The following HKDC1 variants were observed in gnomAD, a reference collection of about 807,000 sequenced individuals.
HKDC1 encodes hexokinase domain containing 1.
Under a neutral mutation model 96.6 loss-of-function variants are expected in HKDC1, and 66 were observed. The observed-to-expected ratio is 0.68, with a 90% CI of 0.56 to 0.84. The LOEUF is 0.84. HKDC1 is among the 40% of genes least tolerant of loss of function. The pLI is 0.00. For missense variants in HKDC1, 1,211 were observed against 1,208.1 expected (o/e 1.00, Z -0.04); for synonymous variants, 466 against 473.1 (o/e 0.98, Z 0.20).
intron 12 of HKDC1, among the ~76,000 whole-genome samples, chr10:69,252,591 G>A (rs904984192): frequency 6.7e-6 from 1 of 150,076 alleles, no homozygotes; most frequent in Admixed American, 6.7e-5. Flanking sequence ...CTTGCAGTGA[G>A]CTGAGATCGT....
chr10:69,263,405 T>C (rs1843840440), intron 16 of HKDC1, among the ~76,000 whole-genome samples: 1 of 152,022 alleles, frequency 6.6e-6, no homozygotes, highest in Non-Finnish European at 1.5e-5. Context: ...GGCCAGGTTT[T>C]GTTTTTTAAA....
At chr10:69,227,174 G>T in intron 1 of HKDC1, 33 bp from the exon 2 acceptor site, 1 of 1,612,632 alleles carries the variant, frequency 6.2e-7, no homozygotes. Context: ...AGGGCCCCCA[G>T]CAGCACCCCT....
intron 9 of HKDC1, 63 bp from the exon 10 acceptor site, chr10:69,248,360 CT>C: frequency 1.3e-6 from 2 of 1,493,606 alleles, no homozygotes; most frequent in Non-Finnish European, 1.8e-6. Context: ...ACTGCTGCCC[CT>C]GGGTCTGTGC....
intron 4 of HKDC1, among the ~76,000 whole-genome samples, chr10:69,234,530 C>T (rs1843332548): frequency 6.6e-6 from 1 of 152,390 alleles, no homozygotes; most frequent in Non-Finnish European, 1.5e-5. Context: ...GTTGGGATTA[C>T]AGGCATGGGC....
At position 69,250,318 on chromosome 10, in the gene HKDC1, TG is replaced by T. The variant is rs746435137; in HGVS notation, c.1604del (p.Gly535GlufsTer9). ...AAGGAAAGTTTCTCGCCCTGGATCT[TG>T]GGGGAACCAACTTCCGGGTCCTCCT... ...EKGKFLALDLGGTNFRVLLVK... is the reference protein window; with the variant it reads ...EKGKFLALDLXGTNFRVLLVK... On this transcript the variant is annotated frameshift_variant, in exon 11 of 18. Coordinates refer to ENST00000354624, the MANE Select transcript of HKDC1 (RefSeq NM_025130.4). LOFTEE classifies it high-confidence loss of function. The T allele has an allele frequency of 2.5e-6, 4 of 1,613,972 alleles. No individual in the cohort carries two copies. The highest frequency in any genetic ancestry group is 3.4e-6 in the Non-Finnish European group (4 of 1,179,968).
chr10:69,265,843 G>C, intron 17 of HKDC1, 25 bp downstream of exon 17: 1 of 1,554,594 alleles, frequency 6.4e-7, no homozygotes. Flanking sequence ...GAGGCGTGGC[G>C]GGTGGGGCTG....
intron 7 of HKDC1, 114 bp from the exon 8 acceptor site, chr10:69,245,965 T>C (rs1235696573): frequency 1.5e-6 from 2 of 1,316,256 alleles, no homozygotes; most frequent in African/African-American, 2.9e-5. Context: ...GAGGGAATCT[T>C]AGCTCAGCCC....
chr10:69,247,227 T>C (rs1481926424), intron 8 of HKDC1, 133 bp from the exon 9 acceptor site: 10 of 635,036 alleles, frequency 1.6e-5, no homozygotes, highest in East Asian at 5.4e-5. Flanking sequence ...AATGTTGATA[T>C]TGTTATTTTT....
At chr10:69,235,149 C>T (rs1050194062) in intron 4 of HKDC1, among the ~76,000 whole-genome samples, 37 of 152,116 alleles carry the variant, frequency 2.4e-4, no homozygotes, top group South Asian at 4.2e-4. Context: ...CAGCCAGATG[C>T]GGTGGTTCAT....
chr10:69,236,110 A>G (rs955803653), intron 4 of HKDC1, among the ~76,000 whole-genome samples: 1 of 141,494 alleles, frequency 7.1e-6, no homozygotes, highest in African/African-American at 2.8e-5. Flanking sequence ...AGGTGCCTGA[A>G]AGCATTTTGA....
chr10:69,261,122 CCTT>C lies in HKDC1; in HGVS notation c.2217-11_2217-9del, dbSNP rs1355296180. On this transcript the variant is annotated splice_polypyrimidine_tract_variant and intron_variant, in intron 15 of 17. Coordinates refer to ENST00000354624, the MANE Select transcript of HKDC1 (RefSeq NM_025130.4). ...CATTGCAGGTCTGCCCCAACCTTAT[CCTT>C]CTTCTCCAAACAGATACGAGAAAAT... The C allele has an allele frequency of 1.9e-6, 3 of 1,608,256 alleles. No homozygotes were observed. The highest frequency in any genetic ancestry group is 2.6e-6 in the Non-Finnish European group (3 of 1,174,976).
intron 1 of HKDC1, among the ~76,000 whole-genome samples, chr10:69,223,506 TAA>T (rs1247337632): frequency 6.6e-6 from 1 of 152,070 alleles, no homozygotes; most frequent in Non-Finnish European, 1.5e-5. Flanking sequence ...ATAATGTAGT[TAA>T]CCTTTTCCTC....
chr10:69,238,918 T>A, intron 4 of HKDC1, 124 bp from the exon 5 acceptor site: 2 of 576,798 alleles, frequency 3.5e-6, no homozygotes, highest in South Asian at 4.8e-5. Flanking sequence ...TTTAAAAAAA[T>A]TGGGGTGATT....
chr10:69,247,621 C>G (rs756320455), intron 9 of HKDC1, 28 bp downstream of exon 9: 3 of 1,571,484 alleles, frequency 1.9e-6, no homozygotes, highest in Non-Finnish European at 2.6e-6. Context: ...TCCACGCCCC[C>G]ACAAATGAGT....
At chr10:69,221,427 A>T (rs377371195) in intron 1 of HKDC1, among the ~76,000 whole-genome samples, 75 of 152,292 alleles carry the variant, frequency 4.9e-4, no homozygotes, top group African/African-American at 1.6e-3. Context: ...AAATGAGCCC[A>T]GTCTGCTACT....
intron 16 of HKDC1, among the ~76,000 whole-genome samples, chr10:69,264,636 G>A (rs1482497579): frequency 6.6e-6 from 1 of 152,044 alleles, no homozygotes; most frequent in Non-Finnish European, 1.5e-5. Context: ...TAAAGTGCTG[G>A]GATTACAGGT....
In HKDC1 at chr10:69,233,180, A is replaced by G. The variant is rs533980806; in HGVS notation, c.495+47A>G. On this transcript the variant is annotated intron_variant, in intron 4 of 17. Transcript: ENST00000354624. ...CAGTGCAGGAATTGGGGCTTGGGGA[A>G]TGTGGGCACGGGTGGGAGTCAGGCT... 25 of 1,610,258 alleles carry G rather than the reference A, an allele frequency of 1.6e-5. 2 individuals are homozygous for G. In the South Asian group the frequency reaches 2.2e-4, roughly 14 times the overall value.
Position 69,257,202 on chromosome 10 carries a change from T to C in HKDC1, c.1932+71T>C, listed in dbSNP as rs78072565. ...CAGGCCCCTCTGCTCTGCCATCCTC[T>C]GCCCAGTTCCTATGACTCTGGCCTC... On this transcript the variant is annotated intron_variant, in intron 13 of 17. Transcript: ENST00000354624. The C allele has an allele frequency of 4.0e-3, 5,969 of 1,476,528 alleles. 207 individuals are homozygous for C. In the African/African-American group the frequency reaches 0.072, roughly 18 times the overall value. The allele number at this position is 1,476,528 out of a possible 1,614,324, so 91.5% of individuals were successfully genotyped here. A position where few individuals can be genotyped will look rare whatever the true frequency, so the allele number is the denominator to read the frequency against.
At chr10:69,220,623 A>C in intron 1 of HKDC1, 125 bp downstream of exon 1, 1 of 614,788 alleles carries the variant, frequency 1.6e-6, no homozygotes, top group Non-Finnish European at 2.7e-6. Context: ...GGAGCATATG[A>C]CCAGTAAAAG....
Sources: allele counts gnomAD v4.1 joint callset (sites outside exome capture counted in the v4.1 genomes callset), GRCh38; gene constraint gnomAD v4.1.1; transcripts MANE v1.5; gene names NCBI Gene and HGNC (gene_info 2026-07-23, HGNC 2026-07-21).